The following HECTD2 variants were observed in gnomAD, a reference collection of about 807,000 sequenced individuals.
HECTD2 encodes the protein HECT domain E3 ubiquitin protein ligase 2.
A neutral mutation model predicts 103.2 loss-of-function variants in HECTD2; 35 were observed. The observed-to-expected ratio is 0.34, with a 90% CI of 0.26 to 0.45. The LOEUF is 0.45. Among genes scored for constraint, HECTD2 ranks in the 20% least tolerant of loss-of-function variants. The probability of loss-of-function intolerance (pLI) is 1.00; values close to 1 mark genes in which losing one functional copy is unlikely to be tolerated. For missense variants in HECTD2, 596 were observed against 937.4 expected (o/e 0.64, Z 4.76); for synonymous variants, 281 against 329.9 (o/e 0.85, Z 1.61).
At chr10:91,511,924 G>A (rs1847437091) in intron 20 of HECTD2, among the ~76,000 whole-genome samples, 1 of 152,188 alleles carries the variant, frequency 6.6e-6, no homozygotes, top group Non-Finnish European at 1.5e-5. Flanking sequence ...GGGATTTGGG[G>A]ATATTATGCA....
intron 2 of HECTD2, among the ~76,000 whole-genome samples, chr10:91,429,477 G>C (rs1286730364): frequency 6.6e-6 from 1 of 152,010 alleles, no homozygotes; most frequent in Non-Finnish European, 1.5e-5. Flanking sequence ...TTGTACCTCT[G>C]GTAGAATTTG....
chr10:91,451,029 C>G (rs1371388437), intron 2 of HECTD2, among the ~76,000 whole-genome samples: 1 of 151,060 alleles, frequency 6.6e-6, no homozygotes, highest in Non-Finnish European at 1.5e-5. Flanking sequence ...CTTTTACCAC[C>G]CAAAGGATGA....
intron 2 of HECTD2, among the ~76,000 whole-genome samples, chr10:91,456,655 A>T (rs953745612): frequency 1.2e-4 from 18 of 152,228 alleles, no homozygotes; most frequent in African/African-American, 4.3e-4. Context: ...GTCTTGTGCC[A>T]GTTTTGAAAG....
At chr10:91,462,770 A>G in intron 5 of HECTD2, 1 of 985,402 alleles carries the variant, frequency 1.0e-6, no homozygotes, top group Non-Finnish European at 1.2e-6. Flanking sequence ...AGTGAAAGAC[A>G]TGTTAAGAAT....
chr10:91,433,687 A>G (rs542140853), intron 2 of HECTD2, among the ~76,000 whole-genome samples: 3 of 152,016 alleles, frequency 2.0e-5, no homozygotes, highest in Admixed American at 2.0e-4. Flanking sequence ...CTGCAGGTTT[A>G]TCTATAGGAT....
intron 5 of HECTD2, among the ~76,000 whole-genome samples, chr10:91,467,676 C>T (rs1233829882): frequency 2.6e-5 from 4 of 151,734 alleles, no homozygotes; most frequent in Non-Finnish European, 5.9e-5. Context: ...GTAGCTTTGC[C>T]AGCATGCATT....
At position 91,458,813 on chromosome 10, in the gene HECTD2, G is replaced by A. The variant is rs184212872; in HGVS notation, c.269-1614G>A. Among the ~76,000 whole-genome samples the A allele has an allele frequency of 1.7e-4, 26 of 151,996 alleles. No homozygotes were observed. The East Asian group carries it at 5.0e-3, about 29-fold the overall frequency. ...AAAATGAAACGATCTTTGGGCTCTA[G>A]AACTAGAAAATAGTTCTTAGACTTG... is the stretch of plus-strand genomic sequence containing the variant. On this transcript the variant is annotated intron_variant, in intron 2 of 20. Transcript: ENST00000298068.
At chr10:91,476,793 C>T (rs1480066936) in intron 5 of HECTD2, among the ~76,000 whole-genome samples, 1 of 152,150 alleles carries the variant, frequency 6.6e-6, no homozygotes, top group East Asian at 1.9e-4. Context: ...CCTGCCTGCC[C>T]TGTGAGCACC....
At chr10:91,429,619 G>A (rs1196913832) in intron 2 of HECTD2, among the ~76,000 whole-genome samples, 1 of 152,168 alleles carries the variant, frequency 6.6e-6, no homozygotes, top group Non-Finnish European at 1.5e-5. Context: ...GAGTGTATGT[G>A]TCGAGGAATT....
chr10:91,457,695 T>C (rs955570042), intron 2 of HECTD2, among the ~76,000 whole-genome samples: 9 of 151,988 alleles, frequency 5.9e-5, no homozygotes, highest in Admixed American at 2.6e-4. Context: ...AATTAACATT[T>C]TATGTAGTTG....
At chr10:91,509,005 T>G (rs1407335800) in intron 20 of HECTD2, among the ~76,000 whole-genome samples, 1 of 151,800 alleles carries the variant, frequency 6.6e-6, no homozygotes, top group African/African-American at 2.4e-5. Context: ...ATCATCATTC[T>G]CAGTAAACTA....
At chr10:91,481,035 G>T in intron 6 of HECTD2, 59 bp from the exon 7 acceptor site, 3 of 1,049,648 alleles carry the variant, frequency 2.9e-6, no homozygotes, top group East Asian at 2.6e-5. Flanking sequence ...GGTCTTTTTC[G>T]TTAGATGCTA....
In HECTD2 at chr10:91,513,374, G is replaced by C. The variant is rs1847499219; in HGVS notation, c.*990G>C. On this transcript the variant is annotated 3_prime_UTR_variant, in exon 21 of 21. Transcript: ENST00000298068. ...TAATTTTTGAAAAAGATAGGTTAAAGTATTTGACAAAAGTGAATACAATAA... is the reference window on the plus strand; with the variant it reads ...TAATTTTTGAAAAAGATAGGTTAAACTATTTGACAAAAGTGAATACAATAA... The C allele has an allele frequency of 6.6e-6, 1 of 152,548 alleles. No individual in the cohort carries two copies. Among genetic ancestry groups the C allele is most frequent in the Admixed American group, 6.6e-5 (1 of 15,264 alleles). The allele number at this position is 152,548 out of a possible 1,614,324, so 9.4% of individuals were successfully genotyped here.
intron 5 of HECTD2, among the ~76,000 whole-genome samples, chr10:91,466,722 CA>C: frequency 6.6e-6 from 1 of 152,008 alleles, no homozygotes; most frequent in East Asian, 1.9e-4. Flanking sequence ...CAAATGGTTA[CA>C]ACAGCCAAAA....
chr10:91,410,414 T>A lies in HECTD2; in HGVS notation c.-25T>A. On this transcript the variant is annotated 5_prime_UTR_variant, in exon 1 of 21. Coordinates refer to ENST00000298068, the MANE Select transcript of HECTD2 (RefSeq NM_182765.6). ...CAACACTGAGGCCGCCGCCGCCGCC[T>A]GGCGCTCCCGCCGCCCGGCCCGACA... The A allele has an allele frequency of 7.4e-7, 1 of 1,359,552 alleles. No homozygotes were observed. The highest frequency in any genetic ancestry group is 1.7e-5 in the South Asian group (1 of 58,798). 84.2% of individuals were successfully genotyped at this position (1,359,552 alleles called of 1,614,324 possible). A position where few individuals can be genotyped will look rare whatever the true frequency, so the allele number is the denominator to read the frequency against.
At chr10:91,495,844 T>C (rs1846645714) in intron 14 of HECTD2, among the ~76,000 whole-genome samples, 1 of 152,184 alleles carries the variant, frequency 6.6e-6, no homozygotes, top group African/African-American at 2.4e-5. Flanking sequence ...TGAGATCTAC[T>C]GAATAAACCA....
chr10:91,482,534 C>T (rs1846130737), intron 7 of HECTD2, among the ~76,000 whole-genome samples: 1 of 151,870 alleles, frequency 6.6e-6, no homozygotes, highest in Admixed American at 6.6e-5. Context: ...TCAAGGAACA[C>T]CCAGGTTTTT....
upstream of HECTD2, among the ~76,000 whole-genome samples, chr10:91,410,036 C>T (rs1842846257): frequency 6.6e-6 from 1 of 152,176 alleles, no homozygotes; most frequent in Non-Finnish European, 1.5e-5. Context: ...TCCTGCGCGG[C>T]CCGGGTGCGG....
chr10:91,478,508 A>G (rs962933490), intron 6 of HECTD2, among the ~76,000 whole-genome samples: 1 of 152,198 alleles, frequency 6.6e-6, no homozygotes, highest in African/African-American at 2.4e-5. Flanking sequence ...AATTGTATGT[A>G]AAGTTTTTTC....
Sources: gnomAD v4.1 joint callset for allele counts (sites outside exome capture counted in the v4.1 genomes callset) on GRCh38, gnomAD v4.1.1 for gene constraint, MANE v1.5 for transcripts, NCBI Gene and HGNC (gene_info 2026-07-23, HGNC 2026-07-21) for gene names.